The following WWOX variants were observed in gnomAD, a reference collection of about 807,000 sequenced individuals.
WWOX encodes the protein WW domain containing oxidoreductase.
WWOX carries 69 observed loss-of-function variants against 46.2 expected under a neutral mutation model. That is an observed-to-expected ratio of 1.49 (90% confidence interval 1.23 to 1.82). WWOX has a LOEUF of 1.82. WWOX is among the 40% of genes most tolerant of loss of function. The probability of loss-of-function intolerance (pLI) is 0.00; values close to 1 mark genes in which losing one functional copy is unlikely to be tolerated. For synonymous variants in WWOX, 359 were observed against 202.6 expected (o/e 1.77, Z -6.56); for missense variants, 919 against 542.6 (o/e 1.69, Z -6.89).
chr16:78,773,434 C>G (rs534164423), intron 8 of WWOX, among the ~76,000 whole-genome samples: 5 of 152,296 alleles, frequency 3.3e-5, no homozygotes, highest in African/African-American at 1.2e-4. Context: ...ACATTTGGCT[C>G]CCCTCGGGAC....
chr16:78,602,351 G>C lies in WWOX; in HGVS notation c.1056+169599G>C, dbSNP rs570739838. Reference sequence around the variant, plus strand: ...AGGTTCCAGCGATTCTCCTGCCTCAGCCTCCTGAGTAGCTGGGACTAAAGG... The same window carrying C: ...AGGTTCCAGCGATTCTCCTGCCTCACCCTCCTGAGTAGCTGGGACTAAAGG... On this transcript the variant is annotated intron_variant, in intron 8 of 8. Transcript: ENST00000566780. 1.4e-4 allele frequency among the ~76,000 whole-genome samples: 21 copies of C among 152,194 alleles called. No individual in the cohort carries two copies. The East Asian group carries it at 3.7e-3, about 27-fold the overall frequency.
In WWOX at chr16:79,026,081, A is replaced by G. The variant is rs1567495967; in HGVS notation, c.1057-185527A>G. Reference sequence around the variant, plus strand: ...CTCCCAAAATGCTGGGATTACAGGCATGAGTCCCCATGCCCAGCCCCTGTT... The same window carrying G: ...CTCCCAAAATGCTGGGATTACAGGCGTGAGTCCCCATGCCCAGCCCCTGTT... On this transcript the variant is annotated intron_variant, in intron 8 of 8. Transcript: ENST00000566780. Among the ~76,000 whole-genome samples the G allele has an allele frequency of 1.3e-5, 2 of 151,520 alleles. 1 individual carries two copies. Among genetic ancestry groups the G allele is most frequent in the African/African-American group, 4.9e-5 (2 of 40,932 alleles).
At chr16:78,502,406 T>C (rs894855577) in intron 8 of WWOX, among the ~76,000 whole-genome samples, 1 of 152,240 alleles carries the variant, frequency 6.6e-6, no homozygotes, top group Non-Finnish European at 1.5e-5. Context: ...ATTTACCTAT[T>C]CTGCGTACCT....
At chr16:79,063,394 C>T (rs1263105277) in intron 8 of WWOX, among the ~76,000 whole-genome samples, 2 of 152,152 alleles carry the variant, frequency 1.3e-5, no homozygotes, top group African/African-American at 4.8e-5. Context: ...GAATGCTGTC[C>T]ACAGGTTGCC....
chr16:78,677,953 C>T (rs1372807687), intron 8 of WWOX, among the ~76,000 whole-genome samples: 4 of 152,200 alleles, frequency 2.6e-5, no homozygotes, highest in Non-Finnish European at 5.9e-5. Flanking sequence ...ATGTCCTTTT[C>T]AGGGATGACA....
At chr16:78,662,767 A>T (rs1597410663) in intron 8 of WWOX, among the ~76,000 whole-genome samples, 1 of 152,144 alleles carries the variant, frequency 6.6e-6, no homozygotes, top group South Asian at 2.1e-4. Flanking sequence ...CAAGCTGCAC[A>T]GTTGTTGGCA....
At chr16:78,448,922 C>T (rs138222113) in intron 8 of WWOX, among the ~76,000 whole-genome samples, 1 of 152,230 alleles carries the variant, frequency 6.6e-6, no homozygotes, top group East Asian at 1.9e-4. Context: ...TTTTGAAGTC[C>T]TTGGGTCGGC....
chr16:78,986,634 C>T (rs186235995), intron 8 of WWOX, among the ~76,000 whole-genome samples: 3 of 152,292 alleles, frequency 2.0e-5, no homozygotes, highest in Admixed American at 6.5e-5. Context: ...TTCATCAGTA[C>T]TCTGTTTTTC....
chr16:79,074,360 C>G (rs553578544), intron 8 of WWOX, among the ~76,000 whole-genome samples: 261 of 149,216 alleles, frequency 1.7e-3, no homozygotes, highest in African/African-American at 5.9e-3. Flanking sequence ...CCTAAAACCA[C>G]CGTTGTCACT....
In WWOX at chr16:78,339,770, G is replaced by A. The variant is rs914090700; in HGVS notation, c.517-47090G>A. On this transcript the variant is annotated intron_variant, in intron 5 of 8. Transcript: ENST00000566780. ...TTTGTGGCTTTCTGTGTTGTTCTCG[G>A]GAAGTACAAACCCTTGTGACCGCTG... Among the ~76,000 whole-genome samples the A allele has an allele frequency of 5.2e-5, 6 of 116,436 alleles. 1 individual carries two copies. Among genetic ancestry groups the A allele is most frequent in the African/African-American group, 1.7e-4 (6 of 34,342 alleles). 76.4% of individuals were successfully genotyped at this position (116,436 alleles called of 152,430 possible). A position where few individuals can be genotyped will look rare whatever the true frequency, so the allele number is the denominator to read the frequency against.
rs571715979 is a variant in WWOX at position 78,793,112 on chromosome 16, G to T, written c.1056+360360G>T. 2.4e-3 allele frequency among the ~76,000 whole-genome samples: 365 copies of T among 152,190 alleles called. 3 individuals are homozygous for T. Among genetic ancestry groups the T allele is most frequent in the Middle Eastern group, 3.4e-3 (1 of 294 alleles). On this transcript the variant is annotated intron_variant, in intron 8 of 8. Coordinates refer to ENST00000566780, the MANE Select transcript of WWOX (RefSeq NM_016373.4). The stretch of plus-strand genomic sequence containing the variant: ...TTTTGAGAAAGGCTCTCACTCTGTT[G>T]CTCAGGCTGGAGTGAAGTGATGCAA...
In WWOX at chr16:78,186,581, T is replaced by C. The variant is rs7195075; in HGVS notation, c.516+22292T>C. ...GAGTTTGAGACCAGCCTGGCCAATATGGCGAAACCCTGTCTCTACTCAAAA... is the reference window on the plus strand; with the variant it reads ...GAGTTTGAGACCAGCCTGGCCAATACGGCGAAACCCTGTCTCTACTCAAAA... On this transcript the variant is annotated intron_variant, in intron 5 of 8. Transcript: ENST00000566780. Among the ~76,000 whole-genome samples, 990 of 152,284 alleles carry C rather than the reference T, an allele frequency of 6.5e-3. 7 individuals are homozygous for C. Among genetic ancestry groups the C allele is most frequent in the African/African-American group, 0.022 (927 of 41,556 alleles).
chr16:78,781,388 G>A (rs148581849), intron 8 of WWOX, among the ~76,000 whole-genome samples: 80 of 152,194 alleles, frequency 5.3e-4, no homozygotes, highest in African/African-American at 1.7e-3. Flanking sequence ...CTGGTATTCC[G>A]TCAGTCTTAC....
intron 6 of WWOX, among the ~76,000 whole-genome samples, chr16:78,421,837 T>C (rs6564549): frequency 0.099 from 15,119 of 152,212 alleles, 2,169 homozygotes; most frequent in African/African-American, 0.32. Flanking sequence ...TGTGCAATTT[T>C]TGCTGCCCCT....
At chr16:78,413,597 G>A (rs1597194309) in intron 6 of WWOX, among the ~76,000 whole-genome samples, 2 of 152,010 alleles carry the variant, frequency 1.3e-5, no homozygotes, top group Admixed American at 6.5e-5. Context: ...ATCAGTTAAG[G>A]CTATTTTCAC....
At chr16:78,913,643 G>A (rs2045170465) in intron 8 of WWOX, among the ~76,000 whole-genome samples, 1 of 151,228 alleles carries the variant, frequency 6.6e-6, no homozygotes, top group South Asian at 2.1e-4. Context: ...ACCAATACCT[G>A]TGCTCATACT....
intron 5 of WWOX, among the ~76,000 whole-genome samples, chr16:78,304,056 T>G (rs1242557153): frequency 6.6e-6 from 1 of 152,238 alleles, no homozygotes; most frequent in Admixed American, 6.5e-5. Context: ...TGTTTACTTA[T>G]TTTTCCTCTT....
chr16:78,213,818 C>T (rs951802888), intron 5 of WWOX, among the ~76,000 whole-genome samples: 8 of 152,082 alleles, frequency 5.3e-5, no homozygotes, highest in African/African-American at 1.7e-4. Flanking sequence ...GAATAATATC[C>T]AATTAGGCTA....
At chr16:78,299,102 T>A (rs1447475012) in intron 5 of WWOX, among the ~76,000 whole-genome samples, 1 of 152,182 alleles carries the variant, frequency 6.6e-6, no homozygotes, top group Non-Finnish European at 1.5e-5. Context: ...TTGTCTCCAG[T>A]GTGGGTGTTA....
Sources: gnomAD v4.1 joint callset for allele counts (sites outside exome capture counted in the v4.1 genomes callset) on GRCh38, gnomAD v4.1.1 for gene constraint, MANE v1.5 for transcripts, NCBI Gene and HGNC (gene_info 2026-07-23, HGNC 2026-07-21) for gene names.